SORCS3: variants seen among roughly 807,000 people sequenced by gnomAD.
SORCS3 encodes VPS10 domain-containing receptor SorCS3.
In SORCS3, 57 loss-of-function variants were observed where a neutral mutation model predicts 146.3. The observed-to-expected ratio is 0.39, with a 90% confidence interval of 0.31 to 0.49. SORCS3 has a LOEUF of 0.49. Ranked by LOEUF, SORCS3 falls within the 20% of genes least tolerant of loss-of-function variation. The probability of loss-of-function intolerance (pLI) is 0.92; values close to 1 mark genes in which losing one functional copy is unlikely to be tolerated. For synonymous variants in SORCS3, 653 were observed against 618.5 expected (o/e 1.06, Z -0.83); for missense variants, 1,341 against 1,575.5 (o/e 0.85, Z 2.52).
rs143660580 is a variant in SORCS3, at chr10:104,726,865, C to T, written c.627+84911C>T. Among the ~76,000 whole-genome samples, 4 of 152,248 alleles carry T rather than the reference C, an allele frequency of 2.6e-5. No homozygotes were observed. In the South Asian group the frequency reaches 8.3e-4, roughly 32 times the overall value. On this transcript the variant is annotated intron_variant, in intron 1 of 26. Transcript: ENST00000369701. ...ACCAGCAGTCCCAGTTGACCTGGGA[C>T]TAGGGCTACTTGGGATGCAAGACTT...
intron 2 of SORCS3, among the ~76,000 whole-genome samples, chr10:104,895,263 A>T (rs1019852799): frequency 1.3e-5 from 2 of 152,180 alleles, no homozygotes; most frequent in African/African-American, 4.8e-5. Flanking sequence ...TTCAACCCCA[A>T]ATATTTTCCT....
chr10:104,854,732 C>T (rs894795003), intron 2 of SORCS3, among the ~76,000 whole-genome samples: 4 of 152,180 alleles, frequency 2.6e-5, no homozygotes, highest in South Asian at 2.1e-4. Flanking sequence ...AACCCCTAAT[C>T]GCTAAACCCT....
chr10:104,968,138 G>A (rs1377601255), intron 3 of SORCS3, among the ~76,000 whole-genome samples: 2 of 151,846 alleles, frequency 1.3e-5, no homozygotes, highest in Non-Finnish European at 2.9e-5. Context: ...TAATTGCGAC[G>A]GAGTTTCACT....
chr10:104,880,362 C>G (rs1197439974), intron 2 of SORCS3, among the ~76,000 whole-genome samples: 2 of 152,180 alleles, frequency 1.3e-5, no homozygotes, highest in East Asian at 3.9e-4. Flanking sequence ...ATCCTTTCCC[C>G]CAGTGGGACC....
intron 1 of SORCS3, among the ~76,000 whole-genome samples, chr10:104,704,865 C>G (rs1453785386): frequency 6.6e-6 from 1 of 152,114 alleles, no homozygotes; most frequent in South Asian, 2.1e-4. Context: ...GGTGCTTGGC[C>G]TACTCTCCCC....
chr10:104,641,641 C>G lies in SORCS3; in HGVS notation c.314C>G (p.Ala105Gly), dbSNP rs1001520359. The change falls in exon 1 of 27, where the codon GCC becomes GGC. Residue 105 changes from alanine (A) to glycine (G), a missense_variant. Physicochemically the swap from Ala to Gly is moderately conservative, Grantham distance 60. Transcript: ENST00000369701. This position sits in a 1 kb window ranked among gnomAD's most constrained non-coding sequence, Gnocchi z 6.4. ...GGRGGEMQVE[A>G]GGTSPAGERR... ...AGAGGCGGTGAGATGCAGGTGGAAG[C>G]CGGAGGGACATCACCGGCAGGCGAG... is the stretch of plus-strand genomic sequence containing the variant. The G allele has an allele frequency of 1.5e-5, 23 of 1,525,790 alleles. 1 individual carries two copies. The South Asian group carries it at 2.8e-4, about 18-fold the overall frequency. 94.5% of individuals were successfully genotyped at this position (1,525,790 alleles called of 1,614,324 possible).
At chr10:104,790,544 G>C (rs958662254) in intron 1 of SORCS3, among the ~76,000 whole-genome samples, 1 of 152,136 alleles carries the variant, frequency 6.6e-6, no homozygotes, top group African/African-American at 2.4e-5. Flanking sequence ...CTTCTCCAAT[G>C]CTCCGGATGA....
At chr10:105,153,732 C>A (rs1274269558) in intron 9 of SORCS3, among the ~76,000 whole-genome samples, 6 of 151,440 alleles carry the variant, frequency 4.0e-5, no homozygotes, top group Non-Finnish European at 5.9e-5. Context: ...ATTTGCTTTT[C>A]TTCAGTGACT....
At chr10:105,142,850 G>C (rs538366558) in intron 8 of SORCS3, among the ~76,000 whole-genome samples, 6 of 152,042 alleles carry the variant, frequency 3.9e-5, no homozygotes, top group Non-Finnish European at 7.4e-5. Flanking sequence ...GGTTAATTCT[G>C]TTTTGAATAA....
intron 14 of SORCS3, among the ~76,000 whole-genome samples, chr10:105,187,356 A>G (rs2056484650): frequency 6.6e-6 from 1 of 152,150 alleles, no homozygotes; most frequent in Non-Finnish European, 1.5e-5. Flanking sequence ...ATTAAGGTCT[A>G]GTTCATGTCT....
Position 104,757,864 on chromosome 10 carries a change from CCCCCA to C in SORCS3, c.628-84926_628-84922del, listed in dbSNP as rs762035003. On this transcript the variant is annotated intron_variant, in intron 1 of 26. Coordinates refer to ENST00000369701, the MANE Select transcript of SORCS3 (RefSeq NM_014978.3). ...CGGTTCCCCACTGCCACCACCCCCCCCCCCACACCCGCTGCCTTGATGCTGATAGT... is the reference window on the plus strand; with the variant it reads ...CGGTTCCCCACTGCCACCACCCCCCCCACCCGCTGCCTTGATGCTGATAGT... 2.7e-3 allele frequency among the ~76,000 whole-genome samples: 159 copies of C among 59,596 alleles called. 1 individual carries two copies. Among genetic ancestry groups the C allele is most frequent in the Middle Eastern group, 0.013 (1 of 80 alleles). 39.1% of individuals were successfully genotyped at this position (59,596 alleles called of 152,430 possible).
chr10:105,117,965 A>G (rs2055904910), intron 7 of SORCS3, among the ~76,000 whole-genome samples: 1 of 152,040 alleles, frequency 6.6e-6, no homozygotes, highest in South Asian at 2.1e-4. Context: ...TCTTTCCAAT[A>G]TCATCTTACT....
At chr10:105,224,551 C>G (rs1253174917) in intron 20 of SORCS3, among the ~76,000 whole-genome samples, 5 of 152,148 alleles carry the variant, frequency 3.3e-5, no homozygotes, top group Admixed American at 1.3e-4. Context: ...TATAAACGTT[C>G]ATGGGCAAGT....
At chr10:104,982,788 TG>T (rs2133655377) in intron 4 of SORCS3, among the ~76,000 whole-genome samples, 1 of 152,266 alleles carries the variant, frequency 6.6e-6, no homozygotes, top group Admixed American at 6.5e-5. Flanking sequence ...AGAGATACCC[TG>T]TGATATTTGA....
chr10:105,189,334 T>A (rs1197932643), intron 14 of SORCS3, among the ~76,000 whole-genome samples: 1 of 152,158 alleles, frequency 6.6e-6, no homozygotes, highest in Non-Finnish European at 1.5e-5. Context: ...TTCTGATGAT[T>A]CATTTGATCC....
chr10:105,031,004 T>C (rs930371452), intron 4 of SORCS3, among the ~76,000 whole-genome samples: 2 of 151,806 alleles, frequency 1.3e-5, no homozygotes, highest in Non-Finnish European at 2.9e-5. Flanking sequence ...CTTTAAAACA[T>C]GTATGTTTGG....
intron 23 of SORCS3, among the ~76,000 whole-genome samples, chr10:105,253,611 G>A (rs936501001): frequency 1.4e-4 from 21 of 152,130 alleles, no homozygotes; most frequent in Non-Finnish European, 2.5e-4. Flanking sequence ...ATGATGCTAA[G>A]TCAGGTGCAA....
intron 19 of SORCS3, among the ~76,000 whole-genome samples, chr10:105,219,462 T>C (rs999737305): frequency 5.9e-5 from 9 of 152,144 alleles, no homozygotes; most frequent in African/African-American, 1.9e-4. Flanking sequence ...ATGGAAAGCA[T>C]TGGGAATAAA....
chr10:104,725,266 C>T (rs937094383), intron 1 of SORCS3, among the ~76,000 whole-genome samples: 2 of 152,212 alleles, frequency 1.3e-5, no homozygotes, highest in African/African-American at 4.8e-5. Context: ...GCCTGGGTAT[C>T]AGCAGCGGAG....
Sources: allele counts gnomAD v4.1 joint callset (sites outside exome capture counted in the v4.1 genomes callset), GRCh38; gene constraint gnomAD v4.1.1; non-coding constraint Gnocchi (gnomAD v3.1); transcripts MANE v1.5; gene names NCBI Gene and HGNC (gene_info 2026-07-23, HGNC 2026-07-21).